Variants in PRR11 observed in about 807,000 individuals in gnomAD.
PRR11 encodes proline-rich protein 11.
A neutral mutation model predicts 45.6 loss-of-function variants in PRR11; 30 were observed. That is an observed-to-expected ratio of 0.66 (90% CI 0.49 to 0.89). PRR11 has a LOEUF of 0.89. PRR11 is among the 40% of genes least tolerant of loss of function. The pLI is 0.00. For missense variants in PRR11, 373 were observed against 424.8 expected, an observed-to-expected ratio of 0.88 and a Z score of 1.07; for synonymous variants, 128 against 153.5, an observed-to-expected ratio of 0.83 and a Z score of 1.23.
chr17:59,165,609 A>G (rs1405840160), intron 1 of PRR11, among the ~76,000 whole-genome samples: 1 of 152,036 alleles, frequency 6.6e-6, no homozygotes, highest in South Asian at 2.1e-4. Context: ...CCTGACCAGC[A>G]TGGAGAAACC....
In PRR11 at chr17:59,206,021, A is replaced by C. The variant is rs2046916665; in HGVS notation, c.*4390A>C. On this transcript the variant is annotated 3_prime_UTR_variant, in exon 10 of 10. Transcript: ENST00000262293. ...AGCTGAGATCACACTACTGCACTACAGTCTGGGCAACAGAGTGAGACCTTG... is the reference window on the plus strand; with the variant it reads ...AGCTGAGATCACACTACTGCACTACCGTCTGGGCAACAGAGTGAGACCTTG... Among the ~76,000 whole-genome samples, 1 of 152,044 alleles carries C rather than the reference A, an allele frequency of 6.6e-6. No homozygotes were observed. Among genetic ancestry groups the C allele is most frequent in the Non-Finnish European group, 1.5e-5 (1 of 68,020 alleles).
chr17:59,169,327 A>AC, intron 1 of PRR11, among the ~76,000 whole-genome samples: 1 of 151,838 alleles, frequency 6.6e-6, no homozygotes, highest in East Asian at 1.9e-4. Context: ...CGAACTCCTG[A>AC]CCTCAGGTGA....
At chr17:59,180,519 G>GTTTTTTTTTTTTT (rs71300619) in intron 2 of PRR11, among the ~76,000 whole-genome samples, 1 of 122,928 alleles carries the variant, frequency 8.1e-6, no homozygotes, top group African/African-American at 3.6e-5. Flanking sequence ...TGTTTTTTTT[G>GTTTTTTTTTTTTT]TTTTTTTTGC....
rs2046912839 is a variant in PRR11 at position 59,205,355 on chromosome 17, T to C, written c.*3724T>C. Among the ~76,000 whole-genome samples, 1 of 151,858 alleles carries C rather than the reference T, an allele frequency of 6.6e-6. No individual in the cohort carries two copies. The highest frequency in any genetic ancestry group is 2.1e-4 in the South Asian group (1 of 4,796). On this transcript the variant is annotated 3_prime_UTR_variant, in exon 10 of 10. Transcript: ENST00000262293. ...TTAAAATAAAGATTAATAAAAGTTT[T>C]GGTTTTTCTCTTTCTAACCTTCTTT...
At chr17:59,178,491 A>G (rs2046761836) in intron 2 of PRR11, 1 of 523,286 alleles carries the variant, frequency 1.9e-6, no homozygotes, top group African/African-American at 1.9e-5. Context: ...ACAACCTCAA[A>G]TCTTTGTCCC....
In PRR11 at chr17:59,195,387, T is replaced by G; in HGVS notation, c.801T>G (p.His267Gln). Residue 267 changes from histidine to glutamine, a missense_variant, in exon 7 of 10, where the codon CAT (histidine) becomes CAG (glutamine). By Grantham distance (24) the His-to-Gln change is conservative. Coordinates refer to ENST00000262293, the MANE Select transcript of PRR11 (RefSeq NM_018304.4). Reference protein sequence around the residue: ...NPLVTVSDLQHVTLKPNSKVL... With the variant: ...NPLVTVSDLQQVTLKPNSKVL... Reference sequence around the variant, plus strand: ...TAGTTACCGTCTCTGACTTGCAGCATGTTACCCTGAAACCTAACTCCAAAG... The same window carrying G: ...TAGTTACCGTCTCTGACTTGCAGCAGGTTACCCTGAAACCTAACTCCAAAG... 6.2e-7 allele frequency: 1 copy of G among 1,614,086 alleles called. No homozygotes were observed. Among genetic ancestry groups the G allele is most frequent in the Non-Finnish European group, 8.5e-7 (1 of 1,179,980 alleles).
chr17:59,164,217 G>T (rs1483327886), intron 1 of PRR11, among the ~76,000 whole-genome samples: 3 of 152,154 alleles, frequency 2.0e-5, no homozygotes, highest in African/African-American at 7.2e-5. Context: ...AGACCATATG[G>T]CCTGCAAAAC....
chr17:59,158,816 G>A (rs2046638278), intron 1 of PRR11, among the ~76,000 whole-genome samples: 1 of 152,184 alleles, frequency 6.6e-6, no homozygotes, highest in African/African-American at 2.4e-5. Flanking sequence ...ATTAATCAGA[G>A]AAATATTTCT....
chr17:59,161,410 C>CAA (rs60245705), intron 1 of PRR11, among the ~76,000 whole-genome samples: 17,583 of 94,956 alleles, frequency 0.19, 1,504 homozygotes, highest in Non-Finnish European at 0.25. Flanking sequence ...GACTCCGTCT[C>CAA]AAAAAAAAAA....
At chr17:59,192,195 A>T (rs1487300543) in intron 4 of PRR11, among the ~76,000 whole-genome samples, 1 of 152,156 alleles carries the variant, frequency 6.6e-6, no homozygotes, top group East Asian at 1.9e-4. Context: ...ATGTGACCAC[A>T]GAGATAGAGA....
At chr17:59,181,560 T>C (rs2046786747) in intron 2 of PRR11, 1 of 1,252,868 alleles carries the variant, frequency 8.0e-7, no homozygotes, top group Non-Finnish European at 1.1e-6. Context: ...CGAATGACAC[T>C]AGCCGTTGCT....
intron 2 of PRR11, among the ~76,000 whole-genome samples, chr17:59,172,803 C>T (rs2046717646): frequency 6.6e-6 from 1 of 152,242 alleles, no homozygotes; most frequent in African/African-American, 2.4e-5. Flanking sequence ...CTGAGTCTTC[C>T]CTGCCATGGT....
intron 4 of PRR11, among the ~76,000 whole-genome samples, chr17:59,187,862 T>TAA (rs761905476): frequency 1.5e-4 from 19 of 128,250 alleles, no homozygotes; most frequent in African/African-American, 4.1e-4. Context: ...GAGACTCCAT[T>TAA]AAAAAAAAAA....
chr17:59,195,830 C>G (rs924084365), intron 7 of PRR11, among the ~76,000 whole-genome samples: 2 of 151,826 alleles, frequency 1.3e-5, no homozygotes, highest in African/African-American at 4.8e-5. Flanking sequence ...TGTAATCCCA[C>G]CACTTTGGGA....
intron 1 of PRR11, among the ~76,000 whole-genome samples, chr17:59,164,474 G>A (rs972194673): frequency 6.6e-6 from 1 of 152,056 alleles, no homozygotes; most frequent in Non-Finnish European, 1.5e-5. Flanking sequence ...AGGACTGCTT[G>A]AGCACAGGAG....
chr17:59,203,695 C>T lies in PRR11; in HGVS notation c.*2064C>T, dbSNP rs1167868159. On this transcript the variant is annotated 3_prime_UTR_variant, in exon 10 of 10. Transcript: ENST00000262293. ...CCAACATGGTGAAATCCCATCTCTA[C>T]TAAAAATACAAAATTAGCCAGGTGT... is the stretch of plus-strand genomic sequence containing the variant. 6.6e-6 allele frequency: 1 copy of T among 151,946 alleles called. No homozygotes were observed. Among genetic ancestry groups the T allele is most frequent in the East Asian group, 1.9e-4 (1 of 5,132 alleles). 9.4% of individuals were successfully genotyped at this position (151,946 alleles called of 1,614,324 possible). A position where few individuals can be genotyped will look rare whatever the true frequency, so the allele number is the denominator to read the frequency against.
chr17:59,188,954 T>C (rs2046827551), intron 4 of PRR11, among the ~76,000 whole-genome samples: 1 of 148,376 alleles, frequency 6.7e-6, no homozygotes, highest in African/African-American at 2.5e-5. Flanking sequence ...ATAATAATAA[T>C]AATAATAATA....
chr17:59,182,389 CT>C (rs147890743), intron 2 of PRR11, among the ~76,000 whole-genome samples: 376 of 107,326 alleles, frequency 3.5e-3, no homozygotes, highest in African/African-American at 0.012. Flanking sequence ...TCTGACCCTT[CT>C]TTTTTTTTTT....
chr17:59,184,278 A>G (rs1373181551), intron 2 of PRR11, among the ~76,000 whole-genome samples: 1 of 152,098 alleles, frequency 6.6e-6, no homozygotes, highest in Admixed American at 6.6e-5. Context: ...CCTGGCCAAC[A>G]TGGTGAAACC....
Sources: gnomAD v4.1 joint callset for allele counts (sites outside exome capture counted in the v4.1 genomes callset) on GRCh38, gnomAD v4.1.1 for gene constraint, MANE v1.5 for transcripts, NCBI Gene and HGNC (gene_info 2026-07-23, HGNC 2026-07-21) for gene names.